DNAH12: variants seen among roughly 807,000 people sequenced by gnomAD.
The protein encoded by DNAH12 is axonemal beta dynein heavy chain 12.
DNAH12 carries 285 observed loss-of-function variants against 371.5 expected under a neutral mutation model. The ratio of observed to expected loss-of-function variants is 0.77; its 90% confidence interval spans 0.70 to 0.85. DNAH12 has a LOEUF of 0.85. DNAH12 is among the 40% of genes least tolerant of loss of function. DNAH12 has a pLI of 0.00. For synonymous variants in DNAH12, 1,200 were observed against 1,213.0 expected, an observed-to-expected ratio of 0.99 and a Z score of 0.22; for missense variants, 3,611 against 3,689.4, an observed-to-expected ratio of 0.98 and a Z score of 0.55.
chr3:57,439,467 T>C (rs1028461793), intron 29 of DNAH12, among the ~76,000 whole-genome samples: 8 of 152,150 alleles, frequency 5.3e-5, no homozygotes, highest in African/African-American at 1.9e-4. Flanking sequence ...ATTCAATCCA[T>C]AGTGCTAGGA....
chr3:57,332,700 T>C lies in DNAH12; in HGVS notation c.9978+1765A>G, dbSNP rs2062127719. Among the ~76,000 whole-genome samples the C allele has an allele frequency of 1.3e-5, 2 of 152,198 alleles. 1 individual carries two copies. Among genetic ancestry groups the C allele is most frequent in the South Asian group, 4.1e-4 (2 of 4,830 alleles). On this transcript the variant is annotated intron_variant, in intron 62 of 73. Transcript: ENST00000495027. ...GCAGAGTTCAGAAATCTGCTCACAG[T>C]ACCTCTGAATCCTTGCTGAACACTA...
intron 13 of DNAH12, among the ~76,000 whole-genome samples, chr3:57,474,377 A>G (rs1489747273): frequency 6.6e-6 from 1 of 152,008 alleles, no homozygotes; most frequent in Non-Finnish European, 1.5e-5. Flanking sequence ...GCTCACTGCA[A>G]CCTCCGCCTC....
chr3:57,508,371 C>T lies in DNAH12; in HGVS notation c.701+11G>A, dbSNP rs774640910. The stretch of plus-strand genomic sequence containing the variant: ...GGAGACATTCAAATTTTAAATTAAA[C>T]GGGATTTTACCTAATTCCTGTGAAG... On this transcript the variant is annotated intron_variant, in intron 7 of 73. Transcript: ENST00000495027. 3.2e-5 allele frequency: 50 copies of T among 1,573,326 alleles called. No homozygotes were observed. Among genetic ancestry groups the T allele is most frequent in the African/African-American group, 1.2e-4 (9 of 72,060 alleles).
rs2069024856 is a variant in DNAH12 at position 57,535,911 on chromosome 3, A to C, written c.170+6790T>G. 4.7e-5 allele frequency among the ~76,000 whole-genome samples: 7 copies of C among 148,140 alleles called. No homozygotes were observed. In the South Asian group the frequency reaches 1.5e-3, roughly 31 times the overall value. On this transcript the variant is annotated intron_variant, in intron 2 of 73. Coordinates refer to ENST00000495027, the MANE Select transcript of DNAH12 (RefSeq NM_001366028.2). ...GAGTACAGTGGCTCGATCTCAGCTC[A>C]CTGTAACCTCGGCCTCCCGGGTTCA...
intron 16 of DNAH12, 150 bp from the exon 17 acceptor site, chr3:57,469,129 G>T: frequency 1.4e-6 from 1 of 691,148 alleles, no homozygotes; most frequent in Non-Finnish European, 2.3e-6. Context: ...AGGTAGAGCT[G>T]ATGGTAGAAA....
chr3:57,395,607 T>G (rs1241676818), intron 43 of DNAH12, among the ~76,000 whole-genome samples: 1 of 151,990 alleles, frequency 6.6e-6, no homozygotes, highest in African/African-American at 2.4e-5. Flanking sequence ...TAAAGTAGTA[T>G]TGTATCAAAT....
chr3:57,443,272 G>A lies in DNAH12; in HGVS notation c.4545+1425C>T, dbSNP rs376432293. Among the ~76,000 whole-genome samples the A allele has an allele frequency of 6.6e-5, 10 of 152,090 alleles. No individual in the cohort carries two copies. The East Asian group carries it at 7.7e-4, about 12-fold the overall frequency. On this transcript the variant is annotated intron_variant, in intron 29 of 73. Transcript: ENST00000495027. ...CTACAGGCGTGCACCACCATGCCCC[G>A]CTAATTTTTGTATTTTTAGCAGAGA...
At position 57,425,067 on chromosome 3, in the gene DNAH12, C is replaced by G. The variant is rs2064720410; in HGVS notation, c.5328G>C (p.Val1776=). The part of the protein sequence containing the change: ...TRLFEVLLCN[V]VENDPTSKHI... ...GCTTGCTAGTAGGATCATTTTCTACCACATTGCAAAGTAGCACTTCAAAGA... is the reference window on the plus strand; with the variant it reads ...GCTTGCTAGTAGGATCATTTTCTACGACATTGCAAAGTAGCACTTCAAAGA... The change falls in exon 35 of 74, where the codon GTG becomes GTC. Residue 1776 remains valine, a synonymous_variant. Transcript: ENST00000495027. 1 of 702,718 alleles carries G rather than the reference C, an allele frequency of 1.4e-6. No homozygotes were observed. The highest frequency in any genetic ancestry group is 2.6e-6 in the Non-Finnish European group (1 of 384,920). The allele number at this position is 702,718 out of a possible 1,614,324, so 43.5% of individuals were successfully genotyped here. A position where few individuals can be genotyped will look rare whatever the true frequency, so the allele number is the denominator to read the frequency against.
chr3:57,402,081 T>C (rs1212267182), intron 43 of DNAH12, among the ~76,000 whole-genome samples: 2 of 152,200 alleles, frequency 1.3e-5, no homozygotes, highest in Non-Finnish European at 2.9e-5. Flanking sequence ...GTTAATTTGG[T>C]AGACAATGCA....
intron 65 of DNAH12, among the ~76,000 whole-genome samples, chr3:57,319,071 T>C (rs1420806455): frequency 1.3e-5 from 2 of 152,188 alleles, no homozygotes; most frequent in East Asian, 1.9e-4. Flanking sequence ...TTTCAGTGTA[T>C]ATATCTTTCA....
Position 57,507,807 on chromosome 3 carries a change from T to A in DNAH12, c.733A>T (p.Lys245Ter). ...CTAGTTTGTATTGATAGATCAGTTTTCAGTGATTCACAGTCAATTGGACCT... is the reference window on the plus strand; with the variant it reads ...CTAGTTTGTATTGATAGATCAGTTTACAGTGATTCACAGTCAATTGGACCT... ...AKGPIDCESL[K>*]TDLSIQTRNA... The change falls in exon 8 of 74, where the codon AAA becomes TAA. Residue 245 changes from lysine (K) to a stop codon, truncating the protein, a stop_gained. Coordinates refer to ENST00000495027, the MANE Select transcript of DNAH12 (RefSeq NM_001366028.2). LOFTEE classifies it high-confidence loss of function. 1 of 1,590,350 alleles carries A rather than the reference T, an allele frequency of 6.3e-7. No homozygotes were observed. The highest frequency in any genetic ancestry group is 8.5e-7 in the Non-Finnish European group (1 of 1,175,242).
intron 42 of DNAH12, among the ~76,000 whole-genome samples, chr3:57,403,817 T>A (rs782667946): frequency 1.4e-4 from 21 of 152,200 alleles, no homozygotes; most frequent in Non-Finnish European, 2.8e-4. Context: ...TTCTTCAGTC[T>A]CTTAAGATTT....
chr3:57,502,394 C>T lies in DNAH12; in HGVS notation c.1172G>A (p.Trp391Ter), dbSNP rs1180085692. ...DTELPEHVLH[W>*]AVDTLKAAVH... ...TGCTGCCTTCAGTGTATCAACAGCC[C>T]AGTGTAACACGTGTTCAGGAAGTTC... Residue 391 changes from tryptophan to a stop codon, truncating the protein, a stop_gained, in exon 10 of 74, where the codon TGG (tryptophan) becomes TAG (stop). Coordinates refer to ENST00000495027, the MANE Select transcript of DNAH12 (RefSeq NM_001366028.2). LOFTEE classifies it high-confidence loss of function. 1 of 1,614,134 alleles carries T rather than the reference C, an allele frequency of 6.2e-7. No homozygotes were observed. The highest frequency in any genetic ancestry group is 2.2e-5 in the East Asian group (1 of 44,884).
At chr3:57,551,745 A>T in the DNAH12 span, among the ~76,000 whole-genome samples, 127,264 of 151,848 alleles carry the variant, frequency 0.84, 53,988 homozygotes, top group African/African-American at 0.95. Context: ...GTTTTCTCAA[A>T]GTGTTATTAA....
At chr3:57,448,004 T>C (rs2065579525) in intron 25 of DNAH12, among the ~76,000 whole-genome samples, 1 of 152,194 alleles carries the variant, frequency 6.6e-6, no homozygotes, top group South Asian at 2.1e-4. Flanking sequence ...ATGGATGCCA[T>C]ATTGTTAATG....
At chr3:57,501,718 C>T (rs1006636384) in intron 10 of DNAH12, among the ~76,000 whole-genome samples, 1 of 152,062 alleles carries the variant, frequency 6.6e-6, no homozygotes, top group African/African-American at 2.4e-5. Context: ...ACATCCTGAC[C>T]TCACACACAC....
At chr3:57,476,684 G>A (rs1269691524) in intron 13 of DNAH12, among the ~76,000 whole-genome samples, 1 of 152,200 alleles carries the variant, frequency 6.6e-6, no homozygotes, top group Non-Finnish European at 1.5e-5. Context: ...ATTACTGGCT[G>A]TTTACTTTAG....
chr3:57,471,072 G>A (rs1351024589), intron 15 of DNAH12, among the ~76,000 whole-genome samples: 1 of 151,908 alleles, frequency 6.6e-6, no homozygotes, highest in East Asian at 1.9e-4. Context: ...GTACAATTAT[G>A]TCTACTCTAC....
chr3:57,310,036 T>C (rs1476726882), intron 67 of DNAH12, among the ~76,000 whole-genome samples, 182 bp from the exon 68 acceptor site: 2 of 152,198 alleles, frequency 1.3e-5, no homozygotes, highest in African/African-American at 4.8e-5. Context: ...AAGTAGGGCA[T>C]CAATTTCCAT....
Sources: gnomAD v4.1 joint callset for allele counts (sites outside exome capture counted in the v4.1 genomes callset) on GRCh38, gnomAD v4.1.1 for gene constraint, MANE v1.5 for transcripts, NCBI Gene and HGNC (gene_info 2026-07-23, HGNC 2026-07-21) for gene names.